PLCG2: variants seen among roughly 807,000 people sequenced by gnomAD.
PLCG2 encodes 1-phosphatidylinositol 4,5-bisphosphate phosphodiesterase gamma-2.
PLCG2 carries 69 observed loss-of-function variants against 175.6 expected under a neutral mutation model. The ratio of observed to expected loss-of-function variants is 0.39; its 90% CI spans 0.32 to 0.48. The LOEUF (loss-of-function observed/expected upper bound fraction) is 0.48. Ranked by LOEUF, PLCG2 falls within the 20% of genes least tolerant of loss-of-function variation. The probability of loss-of-function intolerance (pLI) is 0.91; values close to 1 mark genes in which losing one functional copy is unlikely to be tolerated. For missense variants in PLCG2, 1,798 were observed against 1,650.9 expected, an observed-to-expected ratio of 1.09 and a Z score of -1.54; for synonymous variants, 827 against 624.0, an observed-to-expected ratio of 1.33 and a Z score of -4.85.
intron 21 of PLCG2, chr16:81,921,638 A>G (rs1347281975): frequency 3.0e-6 from 1 of 331,296 alleles, no homozygotes; most frequent in Non-Finnish European, 5.9e-6. Flanking sequence ...ATGCTATCTC[A>G]TATTCCCACC....
In PLCG2 at chr16:81,962,553, T is replaced by G. The variant is rs896030461; in HGVS notation, c.*4555T>G. On this transcript the variant is annotated 3_prime_UTR_variant, in exon 33 of 33. Coordinates refer to ENST00000564138, the MANE Select transcript of PLCG2 (RefSeq NM_002661.5). ...TTTCATTATTAAAGCTTAATTTATT[T>G]TTTATATAAATAGTATGTGCTTTGT... is the stretch of plus-strand genomic sequence containing the variant. 1.4e-5 allele frequency: 3 copies of G among 219,096 alleles called. No individual in the cohort carries two copies. Among genetic ancestry groups the G allele is most frequent in the Non-Finnish European group, 2.7e-5 (3 of 109,364 alleles). 13.6% of individuals were successfully genotyped at this position (219,096 alleles called of 1,614,324 possible).
intron 9 of PLCG2, among the ~76,000 whole-genome samples, chr16:81,885,270 C>G (rs574684942): frequency 6.6e-6 from 1 of 152,030 alleles, no homozygotes; most frequent in Non-Finnish European, 1.5e-5. Context: ...GTGATCCACC[C>G]GCCTTGGCCT....
chr16:81,747,370 A>G (rs2143057003), intron 1 of PLCG2, among the ~76,000 whole-genome samples: 1 of 152,228 alleles, frequency 6.6e-6, no homozygotes, highest in South Asian at 2.1e-4. Context: ...CCCCATCTTT[A>G]CTAAAAATAC....
intron 13 of PLCG2, chr16:81,897,913 A>G (rs575624646): frequency 2.2e-6 from 1 of 452,644 alleles, no homozygotes; most frequent in South Asian, 1.6e-5. Flanking sequence ...GCTGTGAGAC[A>G]ATGAAATTAT....
chr16:81,818,572 C>G (rs1203255568), intron 2 of PLCG2, among the ~76,000 whole-genome samples: 2 of 152,142 alleles, frequency 1.3e-5, no homozygotes. Context: ...CAGGAATTAT[C>G]TGCTTGGTGG....
At position 81,858,296 on chromosome 16, in the gene PLCG2, C is replaced by T. The variant is rs1297995347; in HGVS notation, c.371C>T (p.Ser124Phe). Reference sequence around the variant, plus strand: ...AAAGAGGATGCAGTTAACTGGCTCTCTGGCTTGAAAATCTTACACCAGGAA... The same window carrying T: ...AAAGAGGATGCAGTTAACTGGCTCTTTGGCTTGAAAATCTTACACCAGGAA... ...DSKEDAVNWL[S>F]GLKILHQEAM... is the part of the protein sequence containing the mutation. Residue 124 changes from serine to phenylalanine, a missense_variant, in exon 4 of 33, where the codon TCT (serine) becomes TTT (phenylalanine). Transcript: ENST00000564138. 5 of 1,614,028 alleles carry T rather than the reference C, an allele frequency of 3.1e-6. No individual in the cohort carries two copies. The highest frequency in any genetic ancestry group is 3.3e-5 in the Admixed American group (2 of 60,034).
chr16:81,882,895 C>G lies in PLCG2; in HGVS notation c.693-374C>G, dbSNP rs1260036697. On this transcript the variant is annotated intron_variant, in intron 8 of 32. Transcript: ENST00000564138. The stretch of plus-strand genomic sequence containing the variant: ...TGGGGCCTTCTCAGCCATTCCCACT[C>G]TTCCCCTCCCTTCCCACCCTCATCT... 5.9e-5 allele frequency among the ~76,000 whole-genome samples: 9 copies of G among 152,244 alleles called. No individual in the cohort carries two copies. In the East Asian group the frequency reaches 1.5e-3, roughly 26 times the overall value.
At chr16:81,778,043 C>CAA (rs1243068088), upstream of PLCG2, among the ~76,000 whole-genome samples, 29 of 59,856 alleles carry the variant, frequency 4.8e-4, no homozygotes, top group African/African-American at 1.3e-3. Flanking sequence ...AAAAAAAAAA[C>CAA]AAAAAAAAAA....
At chr16:81,820,586 A>T (rs558635900) in intron 2 of PLCG2, among the ~76,000 whole-genome samples, 18 of 151,648 alleles carry the variant, frequency 1.2e-4, no homozygotes, top group African/African-American at 4.4e-4. Flanking sequence ...TCTTGGGCAT[A>T]TCAGTTTTCC....
chr16:81,852,701 A>C (rs539390629), intron 2 of PLCG2, among the ~76,000 whole-genome samples: 54 of 152,234 alleles, frequency 3.5e-4, no homozygotes, highest in Non-Finnish European at 6.6e-4. Flanking sequence ...CCCAGTGTTT[A>C]GTGGCTTAAG....
chr16:81,915,728 G>C (rs576186990), intron 19 of PLCG2, among the ~76,000 whole-genome samples: 9 of 152,296 alleles, frequency 5.9e-5, no homozygotes, highest in African/African-American at 2.2e-4. Flanking sequence ...TGAGGCTTAG[G>C]GGTCCCCTGT....
chr16:81,910,413 G>A (rs1343624806), intron 17 of PLCG2, 107 bp from the exon 18 acceptor site: 3 of 957,096 alleles, frequency 3.1e-6, no homozygotes, highest in African/African-American at 3.2e-5. Flanking sequence ...TCTAGGAGCA[G>A]AGGGAAGGTT....
chr16:81,953,697 A>G (rs1911456520), intron 31 of PLCG2, among the ~76,000 whole-genome samples: 1 of 152,218 alleles, frequency 6.6e-6, no homozygotes, highest in South Asian at 2.1e-4. Context: ...CCTCAAGTCA[A>G]GAGGGCTGGT....
intron 2 of PLCG2, among the ~76,000 whole-genome samples, chr16:81,770,081 T>C (rs1403692995): frequency 3.9e-5 from 6 of 152,118 alleles, no homozygotes; most frequent in South Asian, 2.1e-4. Flanking sequence ...TTCCAAATGC[T>C]TTCTCTCCAC....
At chr16:81,923,862 C>A (rs960721600) in intron 22 of PLCG2, among the ~76,000 whole-genome samples, 2 of 152,148 alleles carry the variant, frequency 1.3e-5, no homozygotes, top group African/African-American at 2.4e-5. Flanking sequence ...TTATTGAAGT[C>A]TTTCTAAGTG....
intron 2 of PLCG2, among the ~76,000 whole-genome samples, chr16:81,825,096 C>A (rs1317721400): frequency 6.6e-6 from 1 of 152,138 alleles, no homozygotes; most frequent in South Asian, 2.1e-4. Flanking sequence ...CCTGCTGACT[C>A]CTTGGTCTTA....
intron 2 of PLCG2, among the ~76,000 whole-genome samples, chr16:81,799,389 C>A (rs1213576204): frequency 2.0e-5 from 3 of 152,072 alleles, no homozygotes; most frequent in Non-Finnish European, 4.4e-5. Flanking sequence ...TACTTTGTGA[C>A]CATGTTAGTA....
intron 1 of PLCG2, among the ~76,000 whole-genome samples, chr16:81,740,749 A>AAAC (rs1909574111): frequency 6.7e-6 from 1 of 148,254 alleles, no homozygotes; most frequent in Non-Finnish European, 1.5e-5. Flanking sequence ...AAAAAAAAAA[A>AAAC]AAAAAAAAAA....
At chr16:81,876,892 CATTT>C (rs1292519248) in intron 7 of PLCG2, among the ~76,000 whole-genome samples, 1 of 152,220 alleles carries the variant, frequency 6.6e-6, no homozygotes, top group Non-Finnish European at 1.5e-5. Context: ...GCTGGAATCT[CATTT>C]ATTGTGTGTA....
Sources: gnomAD v4.1 joint callset for allele counts (sites outside exome capture counted in the v4.1 genomes callset) on GRCh38, gnomAD v4.1.1 for gene constraint, MANE v1.5 for transcripts, NCBI Gene and HGNC (gene_info 2026-07-23, HGNC 2026-07-21) for gene names.